The following ADAMTS9 variants were observed in gnomAD, a reference collection of about 807,000 sequenced individuals.
ADAMTS9 encodes ADAM metallopeptidase with thrombospondin type 1 motif 9.
In ADAMTS9, 107 loss-of-function variants were observed where a neutral mutation model predicts 257.1. That is an observed-to-expected ratio of 0.42 (90% CI 0.36 to 0.49). The LOEUF (loss-of-function observed/expected upper bound fraction) is 0.49. Ranked by LOEUF, ADAMTS9 falls within the 20% of genes least tolerant of loss-of-function variation. ADAMTS9 has a pLI of 0.03. For synonymous variants in ADAMTS9, 982 were observed against 880.9 expected (o/e 1.11, Z -2.03); for missense variants, 2,353 against 2,469.1 (o/e 0.95, Z 1.00).
At chr3:64,539,101 C>A in intron 37 of ADAMTS9, 102 bp downstream of exon 37, 3 of 1,217,760 alleles carry the variant, frequency 2.5e-6, no homozygotes, top group South Asian at 1.3e-5. Context: ...CCCTCTAGAG[C>A]AACTGTTCTA....
chr3:64,644,407 G>A (rs755070931), intron 11 of ADAMTS9, among the ~76,000 whole-genome samples: 15 of 152,288 alleles, frequency 9.8e-5, no homozygotes, highest in East Asian at 3.9e-4. Flanking sequence ...GACAATTTCC[G>A]ACATCTAAAT....
chr3:64,615,678 A>T (rs2084748789), intron 20 of ADAMTS9, among the ~76,000 whole-genome samples, 193 bp from the exon 21 acceptor site: 1 of 152,160 alleles, frequency 6.6e-6, no homozygotes, highest in Non-Finnish European at 1.5e-5. Context: ...AAATTAGCTC[A>T]TTGGCATATA....
At chr3:64,525,376 C>T (rs569648140) in intron 38 of ADAMTS9, among the ~76,000 whole-genome samples, 5 of 152,170 alleles carry the variant, frequency 3.3e-5, no homozygotes, top group South Asian at 4.2e-4. Flanking sequence ...CCACCCTCTG[C>T]GCCTGCACAA....
At chr3:64,655,119 A>G (rs1487268041) in intron 6 of ADAMTS9, among the ~76,000 whole-genome samples, 1 of 152,176 alleles carries the variant, frequency 6.6e-6, no homozygotes, top group Non-Finnish European at 1.5e-5. Context: ...TAAAAAATTC[A>G]TTTTTCTGGC....
At chr3:64,641,668 A>G (rs2106921596) in intron 12 of ADAMTS9, among the ~76,000 whole-genome samples, 180 bp downstream of exon 12, 1 of 152,016 alleles carries the variant, frequency 6.6e-6, no homozygotes, top group East Asian at 1.9e-4. Flanking sequence ...AGTAAACAAT[A>G]ATACAGGGGG....
In ADAMTS9 at chr3:64,664,159, G is replaced by A. The variant is rs548742462; in HGVS notation, c.680-5368C>T. 2.0e-5 allele frequency among the ~76,000 whole-genome samples: 3 copies of A among 152,166 alleles called. No individual in the cohort carries two copies. The South Asian group carries it at 6.2e-4, about 32-fold the overall frequency. ...ACTTTGCTTACAGTTTAATCAGAAC[G>A]GGCTACCTAATAAAATTTCACTGTC... On this transcript the variant is annotated intron_variant, in intron 3 of 39. Transcript: ENST00000498707.
chr3:64,580,729 G>A (rs1264365338), intron 28 of ADAMTS9, among the ~76,000 whole-genome samples: 1 of 152,166 alleles, frequency 6.6e-6, no homozygotes, highest in East Asian at 1.9e-4. Flanking sequence ...AGCTATCTCT[G>A]ACTTGTGATA....
At chr3:64,602,864 CATTGGAATAATCT>C (rs1180351475) in intron 25 of ADAMTS9, among the ~76,000 whole-genome samples, 4 of 152,152 alleles carry the variant, frequency 2.6e-5, no homozygotes, top group African/African-American at 9.7e-5. Flanking sequence ...CTGGATCATC[CATTGGAATAATCT>C]CCATGAAGGT....
At chr3:64,561,793 AT>A (rs769459921) in intron 29 of ADAMTS9, 42 bp from the exon 30 acceptor site, 6 of 747,764 alleles carry the variant, frequency 8.0e-6, no homozygotes, top group Non-Finnish European at 7.8e-6. Context: ...CGGCTCATTT[AT>A]TTTTTGGGGG....
chr3:64,642,900 G>C (rs1267843116), intron 11 of ADAMTS9, among the ~76,000 whole-genome samples: 2 of 152,174 alleles, frequency 1.3e-5, no homozygotes, highest in African/African-American at 4.8e-5. Flanking sequence ...GGGTGGGGCA[G>C]TATGCAGGGA....
At chr3:64,681,040 A>T (rs1472597662) in intron 3 of ADAMTS9, among the ~76,000 whole-genome samples, 161 bp downstream of exon 3, 1 of 152,184 alleles carries the variant, frequency 6.6e-6, no homozygotes, top group African/African-American at 2.4e-5. Context: ...TAGTCTCCAC[A>T]TCTGTACAGT....
In ADAMTS9 at chr3:64,642,242, G is replaced by C. The variant is rs77736431; in HGVS notation, c.1711-249C>G. Among the ~76,000 whole-genome samples the C allele has an allele frequency of 3.0e-3, 454 of 152,274 alleles. 8 individuals are homozygous for C. In the East Asian group the frequency reaches 0.045, roughly 15 times the overall value. On this transcript the variant is annotated intron_variant, in intron 11 of 39. Coordinates refer to ENST00000498707, the MANE Select transcript of ADAMTS9 (RefSeq NM_182920.2). ...CAGTGACTGGCTCCAGGCTGACAGG[G>C]TAACTCCAATGGCAAGCTTCAAACC...
At chr3:64,638,506 A>G (rs974426983) in intron 12 of ADAMTS9, among the ~76,000 whole-genome samples, 1 of 152,208 alleles carries the variant, frequency 6.6e-6, no homozygotes, top group African/African-American at 2.4e-5. Context: ...GGAGCTATTA[A>G]TAATTCCTTC....
rs1256005038 is a variant in ADAMTS9, at chr3:64,596,891, T to A, written c.4118A>T (p.Asp1373Val). 1 of 1,614,068 alleles carries A rather than the reference T, an allele frequency of 6.2e-7. No homozygotes were observed. The highest frequency in any genetic ancestry group is 2.2e-5 in the East Asian group (1 of 44,838). The part of the protein sequence containing the change: ...ANDCVERIKP[D>V]EQRACESGPC... The stretch of plus-strand genomic sequence containing the variant: ...GCCGGATTCACAGGCTCTTTGCTCA[T>A]CAGGTTTTATTCTCTCCACACAGTC... The change falls in exon 27 of 40, where the codon GAT becomes GTT. Residue 1373 changes from aspartate (D) to valine (V), a missense_variant. Physicochemically the swap from Asp to Val is radical, Grantham distance 152. Coordinates refer to ENST00000498707, the MANE Select transcript of ADAMTS9 (RefSeq NM_182920.2).
intron 3 of ADAMTS9, among the ~76,000 whole-genome samples, chr3:64,679,114 C>A (rs1701693838): frequency 6.6e-6 from 1 of 152,056 alleles, no homozygotes; most frequent in South Asian, 2.1e-4. Context: ...TGTCTTCGAG[C>A]CTGACATTTT....
In ADAMTS9 at chr3:64,657,013, G is replaced by T. The variant is rs139877644; in HGVS notation, c.970-1138C>A. Among the ~76,000 whole-genome samples the T allele has an allele frequency of 3.7e-4, 56 of 152,302 alleles. 2 individuals are homozygous for T. The highest frequency in any genetic ancestry group is 1.3e-3 in the African/African-American group (55 of 41,562). The stretch of plus-strand genomic sequence containing the variant: ...AATGAGAAAGAGGAAGTCTATACGG[G>T]CTTTTCTGGACCCATCTCGAATCGT... On this transcript the variant is annotated intron_variant, in intron 4 of 39. Coordinates refer to ENST00000498707, the MANE Select transcript of ADAMTS9 (RefSeq NM_182920.2).
chr3:64,524,971 AATT>A (rs2082892603), intron 38 of ADAMTS9, among the ~76,000 whole-genome samples: 1 of 152,082 alleles, frequency 6.6e-6, no homozygotes, highest in African/African-American at 2.4e-5. Flanking sequence ...TGGCCTGGTA[AATT>A]CTTCAGAACT....
intron 32 of ADAMTS9, among the ~76,000 whole-genome samples, chr3:64,543,737 T>A (rs1384301733): frequency 1.3e-5 from 2 of 152,202 alleles, no homozygotes. Flanking sequence ...TCACCACTCC[T>A]ATTCAACATA....
intron 12 of ADAMTS9, among the ~76,000 whole-genome samples, chr3:64,634,794 C>T (rs1240045218): frequency 6.6e-6 from 1 of 152,102 alleles, no homozygotes; most frequent in East Asian, 1.9e-4. Context: ...CACCCTTTTT[C>T]CTTTAGAATG....
Sources: gnomAD v4.1 joint callset for allele counts (sites outside exome capture counted in the v4.1 genomes callset) on GRCh38, gnomAD v4.1.1 for gene constraint, MANE v1.5 for transcripts, NCBI Gene and HGNC (gene_info 2026-07-23, HGNC 2026-07-21) for gene names.